GRIK4: variants seen among roughly 807,000 people sequenced by gnomAD.
GRIK4 encodes the protein glutamate ionotropic receptor kainate type subunit 4.
In GRIK4, 40 loss-of-function variants were observed where a neutral mutation model predicts 104.9. The ratio of observed to expected loss-of-function variants is 0.38; its 90% CI spans 0.30 to 0.50. The LOEUF (loss-of-function observed/expected upper bound fraction) is 0.50. GRIK4 is among the 20% of genes least tolerant of loss of function. GRIK4 has a pLI of 0.93. For missense variants in GRIK4, 1,047 were observed against 1,308.1 expected, an observed-to-expected ratio of 0.80 and a Z score of 3.08; for synonymous variants, 485 against 524.9, an observed-to-expected ratio of 0.92 and a Z score of 1.04.
intron 1 of GRIK4, among the ~76,000 whole-genome samples, chr11:120,554,572 T>C (rs1474586016): frequency 6.6e-6 from 1 of 151,970 alleles, no homozygotes; most frequent in Non-Finnish European, 1.5e-5. Context: ...TTTCTTTTTT[T>C]TTTTGAGACA....
chr11:120,699,227 G>C (rs775182277), intron 3 of GRIK4, among the ~76,000 whole-genome samples: 1 of 152,026 alleles, frequency 6.6e-6, no homozygotes, highest in Admixed American at 6.6e-5. Flanking sequence ...GGTGGCTCGC[G>C]GTCCCAGCAC....
chr11:120,779,576 C>A (rs1032736308), intron 3 of GRIK4, among the ~76,000 whole-genome samples: 1 of 152,176 alleles, frequency 6.6e-6, no homozygotes, highest in African/African-American at 2.4e-5. Context: ...TCACATAGAC[C>A]TGGATTCAAA....
chr11:120,666,402 G>C (rs1348130204), intron 3 of GRIK4, among the ~76,000 whole-genome samples: 1 of 152,250 alleles, frequency 6.6e-6, no homozygotes, highest in Non-Finnish European at 1.5e-5. Context: ...TTCTCGATGA[G>C]TGAGATCTGA....
chr11:120,760,380 A>T (rs1236266548), intron 3 of GRIK4, among the ~76,000 whole-genome samples: 1 of 147,950 alleles, frequency 6.8e-6, no homozygotes, highest in East Asian at 2.0e-4. Context: ...TATATATATA[A>T]ACATATATAT....
At chr11:120,664,844 C>T (rs72645480) in intron 3 of GRIK4, among the ~76,000 whole-genome samples, 25,312 of 152,074 alleles carry the variant, frequency 0.17, 2,481 homozygotes, top group East Asian at 0.39. Flanking sequence ...AGGGCTCAGT[C>T]GAGGTGGCAA....
intron 1 of GRIK4, among the ~76,000 whole-genome samples, chr11:120,613,887 T>C (rs1229385292): frequency 6.6e-6 from 1 of 152,230 alleles, no homozygotes; most frequent in African/African-American, 2.4e-5. Flanking sequence ...TCTGGCAAAG[T>C]TGCCAGCCCT....
intron 1 of GRIK4, among the ~76,000 whole-genome samples, chr11:120,634,478 C>T (rs1350688253): frequency 2.0e-5 from 3 of 152,092 alleles, no homozygotes. Flanking sequence ...CCTCCTCCCC[C>T]AAGGGTTCTG....
chr11:120,728,934 G>C lies in GRIK4; in HGVS notation c.82+68534G>C, dbSNP rs926152097. Among the ~76,000 whole-genome samples the C allele has an allele frequency of 2.0e-5, 3 of 151,958 alleles. 1 individual carries two copies. Among genetic ancestry groups the C allele is most frequent in the Non-Finnish European group, 4.4e-5 (3 of 68,002 alleles). ...TCCCCACTACCCTTCCTAGCCTCTG[G>C]TAACCATCCTTCTACTCTCTTTCTC... On this transcript the variant is annotated intron_variant, in intron 3 of 20. Coordinates refer to ENST00000527524, the MANE Select transcript of GRIK4 (RefSeq NM_014619.5).
At chr11:120,718,084 A>T (rs1294640410) in intron 3 of GRIK4, among the ~76,000 whole-genome samples, 1 of 152,124 alleles carries the variant, frequency 6.6e-6, no homozygotes, top group Admixed American at 6.5e-5. Flanking sequence ...TCATAAGTCC[A>T]TTTGCTTGTT....
chr11:120,520,820 C>G (rs1591671001), intron 1 of GRIK4, among the ~76,000 whole-genome samples: 1 of 152,172 alleles, frequency 6.6e-6, no homozygotes, highest in East Asian at 1.9e-4. Context: ...GTTATTGCTC[C>G]TGACAGCATC....
chr11:120,985,874 G>A, intron 20 of GRIK4, 30 bp from the exon 21 acceptor site: 1 of 1,549,158 alleles, frequency 6.5e-7, no homozygotes, highest in Non-Finnish European at 8.7e-7. Context: ...TGGTTGAGAG[G>A]CTGGGCCCTG....
chr11:120,732,234 C>T (rs376068133), intron 3 of GRIK4, among the ~76,000 whole-genome samples: 20 of 152,160 alleles, frequency 1.3e-4, no homozygotes, highest in African/African-American at 4.1e-4. Context: ...TGGGTTCAAG[C>T]GATTCTCCTG....
At chr11:120,722,438 G>T (rs976729633) in intron 3 of GRIK4, among the ~76,000 whole-genome samples, 1 of 151,864 alleles carries the variant, frequency 6.6e-6, no homozygotes, top group African/African-American at 2.4e-5. Context: ...GTAAAACCCC[G>T]TCTCTACTAA....
intron 12 of GRIK4, among the ~76,000 whole-genome samples, chr11:120,899,538 C>A (rs1292565255): frequency 6.6e-6 from 1 of 152,036 alleles, no homozygotes; most frequent in Non-Finnish European, 1.5e-5. Context: ...TGCCATGTGC[C>A]AGGTGCTGTA....
intron 1 of GRIK4, among the ~76,000 whole-genome samples, chr11:120,542,693 A>G (rs1308010681): frequency 6.6e-6 from 1 of 152,264 alleles, no homozygotes; most frequent in East Asian, 1.9e-4. Flanking sequence ...AGGTATATGA[A>G]GAGATGCTCA....
chr11:120,672,234 G>A (rs1270899863), intron 3 of GRIK4, among the ~76,000 whole-genome samples: 2 of 152,044 alleles, frequency 1.3e-5, no homozygotes, highest in South Asian at 2.1e-4. Context: ...TGGTCAACAT[G>A]GTGAAACCCC....
chr11:120,681,110 T>C (rs1950185506), intron 3 of GRIK4, among the ~76,000 whole-genome samples: 1 of 152,058 alleles, frequency 6.6e-6, no homozygotes. Flanking sequence ...CTTCCCTTCA[T>C]CTCTAAGACA....
At chr11:120,696,260 C>T (rs1312846152) in intron 3 of GRIK4, among the ~76,000 whole-genome samples, 4 of 152,074 alleles carry the variant, frequency 2.6e-5, no homozygotes, top group African/African-American at 7.2e-5. Flanking sequence ...ACATATGCAC[C>T]GAAGTGTGTC....
chr11:120,788,598 G>A (rs775203553), intron 3 of GRIK4, among the ~76,000 whole-genome samples: 1 of 151,686 alleles, frequency 6.6e-6, no homozygotes, highest in African/African-American at 2.4e-5. Flanking sequence ...CCAAGAAGGG[G>A]GAGCCGTCCC....
Sources: gnomAD v4.1 joint callset for allele counts (sites outside exome capture counted in the v4.1 genomes callset) on GRCh38, gnomAD v4.1.1 for gene constraint, MANE v1.5 for transcripts, NCBI Gene and HGNC (gene_info 2026-07-23, HGNC 2026-07-21) for gene names.